Variants in MACROD2 observed in about 807,000 individuals in gnomAD.
MACROD2 encodes mono-ADP ribosylhydrolase 2.
In MACROD2, 36 loss-of-function variants were observed where a neutral mutation model predicts 70.4. The observed-to-expected ratio is 0.51, with a 90% confidence interval of 0.39 to 0.68. The LOEUF (loss-of-function observed/expected upper bound fraction) is 0.68, where lower values mean the gene tolerates loss of function less well. MACROD2 is among the 30% of genes least tolerant of loss of function. The probability of loss-of-function intolerance (pLI) is 0.00; values close to 1 mark genes in which losing one functional copy is unlikely to be tolerated. For missense variants in MACROD2, 496 were observed against 538.4 expected, an observed-to-expected ratio of 0.92 and a Z score of 0.78; for synonymous variants, 172 against 178.8, an observed-to-expected ratio of 0.96 and a Z score of 0.30.
At chr20:16,039,562 A>AG (rs965340005) in intron 15 of MACROD2, among the ~76,000 whole-genome samples, 2 of 152,090 alleles carry the variant, frequency 1.3e-5, no homozygotes, top group East Asian at 1.9e-4. Context: ...ATGTTTATAA[A>AG]GTCAAATATT....
chr20:15,741,258 A>AT (rs1212650313), intron 8 of MACROD2, among the ~76,000 whole-genome samples: 18,705 of 140,088 alleles, frequency 0.13, 3,241 homozygotes, highest in African/African-American at 0.41. Flanking sequence ...CACCCGGCTA[A>AT]TTTTTTTTTT....
At chr20:15,172,275 T>C (rs2076428382) in intron 5 of MACROD2, among the ~76,000 whole-genome samples, 1 of 152,096 alleles carries the variant, frequency 6.6e-6, no homozygotes, top group African/African-American at 2.4e-5. Context: ...AAATGGAGGT[T>C]GGTGGGAGTC....
At chr20:14,756,857 G>A (rs1026138811) in intron 5 of MACROD2, among the ~76,000 whole-genome samples, 23 of 152,010 alleles carry the variant, frequency 1.5e-4, no homozygotes, top group Admixed American at 1.0e-3. Flanking sequence ...TACTGTTCTC[G>A]TGATAGTGAG....
intron 3 of MACROD2, among the ~76,000 whole-genome samples, chr20:14,106,446 T>C (rs1365971599): frequency 6.6e-6 from 1 of 152,142 alleles, no homozygotes; most frequent in Non-Finnish European, 1.5e-5. Context: ...GGTTTTTGAC[T>C]ACAGTCCTTG....
chr20:14,999,446 C>T (rs972530076), intron 5 of MACROD2, among the ~76,000 whole-genome samples: 1 of 152,078 alleles, frequency 6.6e-6, no homozygotes, highest in African/African-American at 2.4e-5. Context: ...ATGGCTTCAG[C>T]GTAGGAGTTT....
intron 8 of MACROD2, among the ~76,000 whole-genome samples, chr20:15,618,049 G>C (rs6043398): frequency 0.049 from 7,222 of 148,710 alleles, 316 homozygotes; most frequent in African/African-American, 0.11. Context: ...GATGTGTTAA[G>C]AGATTCAGAT....
chr20:14,485,843 A>G (rs191484816), intron 3 of MACROD2, among the ~76,000 whole-genome samples: 1 of 151,714 alleles, frequency 6.6e-6, no homozygotes, highest in African/African-American at 2.4e-5. Flanking sequence ...TATAAATATA[A>G]TTTATTATAC....
intron 1 of MACROD2, among the ~76,000 whole-genome samples, chr20:13,998,437 T>G (rs968995331): frequency 2.0e-5 from 3 of 152,186 alleles, no homozygotes; most frequent in African/African-American, 7.2e-5. Flanking sequence ...CCTTTTGACA[T>G]TCACAAAAAC....
chr20:14,791,008 A>T (rs1218079975), intron 5 of MACROD2, among the ~76,000 whole-genome samples: 1 of 152,072 alleles, frequency 6.6e-6, no homozygotes, highest in Non-Finnish European at 1.5e-5. Flanking sequence ...AGGTTTACTC[A>T]GCTGTTCCAA....
intron 8 of MACROD2, among the ~76,000 whole-genome samples, chr20:15,586,861 A>G (rs1210874006): frequency 1.3e-5 from 2 of 152,182 alleles, no homozygotes; most frequent in African/African-American, 4.8e-5. Context: ...AATATACCAA[A>G]GAATATAGCA....
intron 5 of MACROD2, among the ~76,000 whole-genome samples, chr20:15,188,030 G>A (rs968713757): frequency 2.0e-5 from 3 of 152,094 alleles, no homozygotes; most frequent in Admixed American, 6.5e-5. Flanking sequence ...AAACACAATC[G>A]TAGGATTTTT....
Position 15,808,451 on chromosome 20 carries a change from T to TTACA in MACROD2, c.646-54291_646-54288dup, listed in dbSNP as rs2063788874. ...ATGTTAGTTCATAAATTAAATAGCT[T>TTACA]TACATATGTTTTTGAATTCTACATG... is the stretch of plus-strand genomic sequence containing the variant. On this transcript the variant is annotated intron_variant, in intron 8 of 17. Transcript: ENST00000684519. Among the ~76,000 whole-genome samples, 5 of 152,272 alleles carry TTACA rather than the reference T, an allele frequency of 3.3e-5. No individual in the cohort carries two copies. In the South Asian group the frequency reaches 1.0e-3, roughly 32 times the overall value.
intron 3 of MACROD2, among the ~76,000 whole-genome samples, chr20:14,459,715 A>T (rs1255756146): frequency 3.3e-5 from 5 of 151,852 alleles, no homozygotes; most frequent in South Asian, 2.1e-4. Context: ...TATTTCATGG[A>T]TCTGTTTCTG....
At chr20:15,987,857 A>G (rs1053382278) in intron 15 of MACROD2, among the ~76,000 whole-genome samples, 16 of 152,332 alleles carry the variant, frequency 1.1e-4, no homozygotes, top group Admixed American at 3.3e-4. Context: ...ATATAAAGCA[A>G]TCTCTTAAAA....
At chr20:15,207,447 T>TTTTTTTTTTTTTTTGGTTTTTTTTTTTTG (rs2076720871) in intron 5 of MACROD2, among the ~76,000 whole-genome samples, 1 of 140,692 alleles carries the variant, frequency 7.1e-6, no homozygotes, top group Non-Finnish European at 1.5e-5. Context: ...TTTTTTTTTT[T>TTTTTTTTTTTTTTTGGTTTTTTTTTTTTG]TTTTTTTTTT....
chr20:15,372,114 A>T (rs1398716983), intron 6 of MACROD2, among the ~76,000 whole-genome samples: 1 of 152,156 alleles, frequency 6.6e-6, no homozygotes, highest in African/African-American at 2.4e-5. Context: ...ACATTTAATC[A>T]ATTCATTTCA....
At chr20:15,163,148 A>G (rs17773212) in intron 5 of MACROD2, among the ~76,000 whole-genome samples, 11,544 of 151,954 alleles carry the variant, frequency 0.076, 465 homozygotes, top group African/African-American at 0.096. Context: ...GGTCAGGGAT[A>G]ATCAGTGAAT....
At chr20:15,584,118 C>G (rs980203197) in intron 8 of MACROD2, among the ~76,000 whole-genome samples, 1 of 152,188 alleles carries the variant, frequency 6.6e-6, no homozygotes, top group South Asian at 2.1e-4. Context: ...AGAAGTATTC[C>G]TCTAAGTGTC....
chr20:14,201,794 G>A (rs2081481809), intron 3 of MACROD2, among the ~76,000 whole-genome samples: 1 of 150,744 alleles, frequency 6.6e-6, no homozygotes, highest in Admixed American at 6.6e-5. Flanking sequence ...AGCTGAGACT[G>A]CGCCACTGCA....
Sources: allele counts gnomAD v4.1 joint callset (sites outside exome capture counted in the v4.1 genomes callset), GRCh38; gene constraint gnomAD v4.1.1; transcripts MANE v1.5; gene names NCBI Gene and HGNC (gene_info 2026-07-23, HGNC 2026-07-21).